Variants in SLC25A13 observed in about 807,000 individuals in gnomAD.
The protein encoded by SLC25A13 is electrogenic aspartate/glutamate antiporter SLC25A13, mitochondrial.
In SLC25A13, 70 loss-of-function variants were observed where a neutral mutation model predicts 85.5. The ratio of observed to expected loss-of-function variants is 0.82; its 90% CI spans 0.68 to 1.00. The LOEUF (loss-of-function observed/expected upper bound fraction) is 1.00, where lower values mean the gene tolerates loss of function less well. SLC25A13 is among the 50% of genes least tolerant of loss of function. The pLI is 0.00. For synonymous variants in SLC25A13, 259 were observed against 288.7 expected (o/e 0.90, Z 1.04); for missense variants, 765 against 819.8 (o/e 0.93, Z 0.82).
chr7:96,141,186 C>T (rs1409321022), intron 14 of SLC25A13, among the ~76,000 whole-genome samples: 1 of 151,978 alleles, frequency 6.6e-6, no homozygotes, highest in Non-Finnish European at 1.5e-5. Context: ...CCATGCCCCG[C>T]TAACTTATAT....
chr7:96,134,964 T>C (rs1792212185), intron 14 of SLC25A13, among the ~76,000 whole-genome samples: 2 of 151,872 alleles, frequency 1.3e-5, no homozygotes, highest in African/African-American at 2.4e-5. Flanking sequence ...GGTGTCTGAT[T>C]ACCTGAGAAA....
chr7:96,141,862 T>C (rs1792579586), intron 14 of SLC25A13, among the ~76,000 whole-genome samples: 1 of 152,234 alleles, frequency 6.6e-6, no homozygotes, highest in Admixed American at 6.5e-5. Context: ...CACATGTCCT[T>C]TGACCTAACA....
intron 15 of SLC25A13, among the ~76,000 whole-genome samples, chr7:96,127,987 C>T (rs1433364180): frequency 6.6e-6 from 1 of 152,146 alleles, no homozygotes; most frequent in Non-Finnish European, 1.5e-5. Context: ...CACATTTGTG[C>T]TTGCTCACTG....
At chr7:96,282,931 C>CT (rs1427170061) in intron 2 of SLC25A13, among the ~76,000 whole-genome samples, 2 of 152,044 alleles carry the variant, frequency 1.3e-5, no homozygotes, top group Non-Finnish European at 2.9e-5. Flanking sequence ...GGCATAAAGT[C>CT]TTTTTTGTTG....
Position 96,121,949 on chromosome 7 carries a change from C to T in SLC25A13, c.1640G>A (p.Arg547Lys). The change falls in exon 16 of 18, where the codon AGA (arginine) becomes AAA (lysine). Residue 547 changes from arginine (R) to lysine (K), a missense_variant. By Grantham distance (26) the Arg-to-Lys change is conservative. Transcript: ENST00000265631. ...GCCAGCCCGGGCAGCCACCTGTAAT[C>T]TCGTCTTGATAACATCAGCAGGGGT... is the stretch of plus-strand genomic sequence containing the variant. ...LVTPADVIKT[R>K]LQVAARAGQT... 1 of 1,614,198 alleles carries T rather than the reference C, an allele frequency of 6.2e-7. No homozygotes were observed. The highest frequency in any genetic ancestry group is 1.1e-5 in the South Asian group (1 of 91,088).
chr7:96,196,519 C>T (rs1795069298), intron 5 of SLC25A13, among the ~76,000 whole-genome samples: 1 of 152,176 alleles, frequency 6.6e-6, no homozygotes, highest in Non-Finnish European at 1.5e-5. Flanking sequence ...CATAGCAGGA[C>T]AGGGGACATA....
chr7:96,286,827 C>T (rs1034926765), intron 2 of SLC25A13, among the ~76,000 whole-genome samples: 4 of 152,202 alleles, frequency 2.6e-5, no homozygotes, highest in Non-Finnish European at 5.9e-5. Context: ...CCTAGGAGCC[C>T]TCTTTCCTTA....
chr7:96,219,995 T>A (rs1462785475), intron 4 of SLC25A13, among the ~76,000 whole-genome samples: 2 of 152,220 alleles, frequency 1.3e-5, no homozygotes. Context: ...TAAATCATTA[T>A]TAGCCTTTCA....
rs1791490904 is a variant in SLC25A13, at chr7:96,121,273, C to T, written c.1946G>A (p.Gly649Glu). Residue 649 changes from glycine to glutamate, a missense_variant, in exon 18 of 18, where the codon GGG (glycine) becomes GAG (glutamate). Physicochemically the swap from Gly to Glu is moderately conservative, Grantham distance 98 (BLOSUM62 -2). Transcript: ENST00000265631. ...GYKLAVATFA[G>E]IENKFGLYLP... ...GTAAAGTCCAAATTTGTTTTCAATC[C>T]CTGCAAATGTAGCAACTGCCAGTTT... is the stretch of plus-strand genomic sequence containing the variant. The T allele has an allele frequency of 3.1e-6, 5 of 1,614,066 alleles. No homozygotes were observed. The East Asian group carries it at 1.1e-4, about 36-fold the overall frequency.
chr7:96,193,614 C>T (rs911913214), intron 5 of SLC25A13, among the ~76,000 whole-genome samples: 3 of 152,254 alleles, frequency 2.0e-5, no homozygotes, highest in African/African-American at 7.2e-5. Context: ...GGTACCCAAA[C>T]ACATGATGTA....
chr7:96,167,348 A>G (rs1327940922), intron 13 of SLC25A13, among the ~76,000 whole-genome samples: 1 of 152,208 alleles, frequency 6.6e-6, no homozygotes, highest in Non-Finnish European at 1.5e-5. Context: ...CTTTTTAGTG[A>G]CAATCATTTT....
At chr7:96,313,417 G>A (rs1178832556) in intron 1 of SLC25A13, among the ~76,000 whole-genome samples, 3 of 152,196 alleles carry the variant, frequency 2.0e-5, no homozygotes, top group Admixed American at 2.0e-4. Flanking sequence ...ATCCACCGTG[G>A]AATACCTTGC....
intron 14 of SLC25A13, among the ~76,000 whole-genome samples, chr7:96,139,854 G>A (rs1792446122): frequency 6.7e-6 from 1 of 148,792 alleles, no homozygotes; most frequent in Admixed American, 6.7e-5. Flanking sequence ...TTCCTTTGTT[G>A]ATAGACATTT....
rs999413746 is a variant in SLC25A13 at position 96,193,019 on chromosome 7, G to C, written c.615+18C>G. 1 of 1,613,214 alleles carries C rather than the reference G, an allele frequency of 6.2e-7. No homozygotes were observed. Reference sequence around the variant, plus strand: ...TTTACTGAGTTAAACCACTTCATTAGGGCAAGTTACAACTTACAGCTACTA... The same window carrying C: ...TTTACTGAGTTAAACCACTTCATTACGGCAAGTTACAACTTACAGCTACTA... On this transcript the variant is annotated intron_variant, in intron 6 of 17. Coordinates refer to ENST00000265631, the MANE Select transcript of SLC25A13 (RefSeq NM_014251.3).
intron 2 of SLC25A13, chr7:96,283,686 A>C: frequency 6.8e-6 from 2 of 293,212 alleles, no homozygotes; most frequent in South Asian, 3.5e-5. Context: ...TGCATGAAGA[A>C]AAATGATCAG....
At chr7:96,283,656 G>A (rs1289837945) in intron 2 of SLC25A13, 2 of 289,528 alleles carry the variant, frequency 6.9e-6, no homozygotes, top group South Asian at 3.6e-5. Context: ...CACTCTAAGA[G>A]CTGAGATAGC....
Position 96,277,242 on chromosome 7 carries a change from T to G in SLC25A13, c.166A>C (p.Lys56Gln). ...ACTCCACTTAAAAGTTCCACAGTCT[T>G]TGGATTAGGCTGGCTTTCTCCAAAA... The part of the protein sequence containing the change: ...NIFGESQPNP[K>Q]TVELLSGVVD... Residue 56 changes from lysine (K) to glutamine (Q), a missense_variant, in exon 3 of 18, where the codon AAG becomes CAG. Lys to Gln is a moderately conservative substitution (Grantham distance 53, BLOSUM62 1). Transcript: ENST00000265631. The G allele has an allele frequency of 6.2e-7, 1 of 1,609,942 alleles. No homozygotes were observed. The highest frequency in any genetic ancestry group is 8.5e-7 in the Non-Finnish European group (1 of 1,177,884).
intron 14 of SLC25A13, among the ~76,000 whole-genome samples, chr7:96,132,724 A>G (rs931397247): frequency 1.3e-5 from 2 of 152,208 alleles, no homozygotes; most frequent in African/African-American, 4.8e-5. Flanking sequence ...ATTTAATACC[A>G]TTTCTTTAAC....
chr7:96,180,630 T>C (rs1044608593), intron 11 of SLC25A13, among the ~76,000 whole-genome samples: 3 of 152,196 alleles, frequency 2.0e-5, no homozygotes, highest in African/African-American at 7.2e-5. Flanking sequence ...TACCCGGCCA[T>C]ATTTCTCTTA....
Sources: allele counts gnomAD v4.1 joint callset (sites outside exome capture counted in the v4.1 genomes callset), GRCh38; gene constraint gnomAD v4.1.1; transcripts MANE v1.5; gene names NCBI Gene and HGNC (gene_info 2026-07-23, HGNC 2026-07-21).